Variants in LSAMP observed in about 807,000 individuals in gnomAD.
The protein encoded by LSAMP is limbic system associated membrane protein.
In LSAMP, 7 loss-of-function variants were observed where a neutral mutation model predicts 38.6. The observed-to-expected ratio is 0.18, with a 90% CI of 0.10 to 0.34. The LOEUF (loss-of-function observed/expected upper bound fraction) is 0.34, where lower values mean the gene tolerates loss of function less well. Ranked by LOEUF, LSAMP falls within the 10% of genes least tolerant of loss-of-function variation. The probability of loss-of-function intolerance (pLI) is 1.00; values close to 1 mark genes in which losing one functional copy is unlikely to be tolerated. For missense variants in LSAMP, 313 were observed against 420.0 expected, an observed-to-expected ratio of 0.75 and a Z score of 2.23; for synonymous variants, 154 against 166.8, an observed-to-expected ratio of 0.92 and a Z score of 0.59.
chr3:115,960,525 T>A (rs1938591433), intron 3 of LSAMP, among the ~76,000 whole-genome samples: 1 of 152,230 alleles, frequency 6.6e-6, no homozygotes, highest in Non-Finnish European at 1.5e-5. Flanking sequence ...AGTAAAATTC[T>A]ACTGATGCAT....
At chr3:115,907,151 T>C (rs914712121) in intron 3 of LSAMP, among the ~76,000 whole-genome samples, 62 of 152,304 alleles carry the variant, frequency 4.1e-4, no homozygotes, top group African/African-American at 1.4e-3. Context: ...GCTTCCAGCC[T>C]GTTCCCACTT....
intron 1 of LSAMP, among the ~76,000 whole-genome samples, chr3:116,411,059 AT>A (rs2048968863): frequency 6.6e-6 from 1 of 152,144 alleles, no homozygotes; most frequent in East Asian, 1.9e-4. Flanking sequence ...AGAAATGCAA[AT>A]TCAAACCACA....
At chr3:115,822,203 T>C (rs1263463848) in intron 6 of LSAMP, among the ~76,000 whole-genome samples, 2 of 152,192 alleles carry the variant, frequency 1.3e-5, no homozygotes. Flanking sequence ...CAATGTCAAA[T>C]ATTTCTAGAA....
At chr3:116,128,973 AAAAT>A (rs1709067213) in intron 1 of LSAMP, among the ~76,000 whole-genome samples, 1 of 152,200 alleles carries the variant, frequency 6.6e-6, no homozygotes. Context: ...TTTATTTTCA[AAAAT>A]AAATGTTCAG....
rs867039024 is a variant in LSAMP at position 116,259,668 on chromosome 3, C to A, written c.156-173112G>T. Reference sequence around the variant, plus strand: ...ATGTGTGATGTGTGTAGCTGTGGTGCTGGTGGTGTTGGTATGCAATCATTT... The same window carrying A: ...ATGTGTGATGTGTGTAGCTGTGGTGATGGTGGTGTTGGTATGCAATCATTT... On this transcript the variant is annotated intron_variant, in intron 1 of 6. Transcript: ENST00000490035. Among the ~76,000 whole-genome samples the A allele has an allele frequency of 1.1e-4, 17 of 152,134 alleles. No homozygotes were observed. In the Middle Eastern group the frequency reaches 0.01, roughly 91 times the overall value.
chr3:116,225,691 T>C (rs531924629), intron 1 of LSAMP, among the ~76,000 whole-genome samples: 1 of 152,234 alleles, frequency 6.6e-6, no homozygotes, highest in Admixed American at 6.5e-5. Context: ...ATCGATTACA[T>C]GGCAAAATAA....
intron 1 of LSAMP, among the ~76,000 whole-genome samples, chr3:116,232,081 A>G (rs1427843573): frequency 6.6e-6 from 1 of 152,214 alleles, no homozygotes; most frequent in Non-Finnish European, 1.5e-5. Context: ...ACCATCTTTC[A>G]AAGTCAGGGC....
intron 1 of LSAMP, among the ~76,000 whole-genome samples, chr3:116,148,158 A>G (rs1709530393): frequency 6.7e-6 from 1 of 148,402 alleles, no homozygotes; most frequent in African/African-American, 2.6e-5. Context: ...TCCAATTTGC[A>G]TTTGTTCTCT....
chr3:116,145,317 T>C (rs1489348190), intron 1 of LSAMP, among the ~76,000 whole-genome samples: 1 of 151,924 alleles, frequency 6.6e-6, no homozygotes, highest in African/African-American at 2.4e-5. Context: ...TAATAGCTTA[T>C]ATATTTATAT....
intron 1 of LSAMP, among the ~76,000 whole-genome samples, chr3:116,199,724 C>G (rs1194278756): frequency 6.6e-6 from 1 of 152,078 alleles, no homozygotes; most frequent in Non-Finnish European, 1.5e-5. Context: ...AGAAGAAGGA[C>G]TCTATTATTA....
intron 1 of LSAMP, among the ~76,000 whole-genome samples, chr3:116,387,336 G>C (rs1265768117): frequency 6.6e-6 from 1 of 152,050 alleles, no homozygotes; most frequent in East Asian, 1.9e-4. Context: ...TATAAATAAG[G>C]AATCACTACA....
rs116474113 is a variant in LSAMP at position 116,358,571 on chromosome 3, G to T, written c.155+86306C>A. Among the ~76,000 whole-genome samples the T allele has an allele frequency of 6.2e-3, 940 of 152,162 alleles. 8 individuals are homozygous for T. The highest frequency in any genetic ancestry group is 0.021 in the African/African-American group (892 of 41,540). ...TCTGATAGCAATTTTTTAAAACAAT[G>T]AAAATCTGTTAAATATACTCATTAC... is the stretch of plus-strand genomic sequence containing the variant. On this transcript the variant is annotated intron_variant, in intron 1 of 6. Transcript: ENST00000490035.
At chr3:116,189,912 CGA>C (rs929074848) in intron 1 of LSAMP, among the ~76,000 whole-genome samples, 4 of 151,850 alleles carry the variant, frequency 2.6e-5, no homozygotes, top group Non-Finnish European at 5.9e-5. Flanking sequence ...TTAACAAGCA[CGA>C]GAGATTCAAA....
rs1477732571 is a variant in LSAMP at position 115,852,628 on chromosome 3, G to C, written c.515-11C>G. 1 of 1,607,740 alleles carries C rather than the reference G, an allele frequency of 6.2e-7. No homozygotes were observed. Among genetic ancestry groups the C allele is most frequent in the Non-Finnish European group, 8.5e-7 (1 of 1,177,744 alleles). On this transcript the variant is annotated splice_polypyrimidine_tract_variant and intron_variant, in intron 3 of 6. Transcript: ENST00000490035. ...CTTCAAATTCCCTTCCTGAAAAACA[G>C]AGGTTTTCATGATTCTTTTTTAAAG... is the stretch of plus-strand genomic sequence containing the variant.
intron 3 of LSAMP, among the ~76,000 whole-genome samples, chr3:115,864,763 G>A (rs1181012761): frequency 6.6e-6 from 1 of 152,128 alleles, no homozygotes; most frequent in African/African-American, 2.4e-5. Context: ...GAAAGTGTAT[G>A]ATTAATAGAG....
chr3:116,167,017 T>C (rs1710072393), intron 1 of LSAMP, among the ~76,000 whole-genome samples: 1 of 152,126 alleles, frequency 6.6e-6, no homozygotes, highest in Admixed American at 6.5e-5. Flanking sequence ...GGTCTTGATC[T>C]CCTGACCTCG....
intron 1 of LSAMP, among the ~76,000 whole-genome samples, chr3:116,203,418 C>CT (rs2046018159): frequency 6.6e-6 from 1 of 151,152 alleles, no homozygotes; most frequent in Non-Finnish European, 1.5e-5. Context: ...TTTTATTATA[C>CT]TTTAAGTTTT....
Position 115,809,781 on chromosome 3 carries a change from G to T in LSAMP, c.*536C>A, listed in dbSNP as rs961343963. 2 of 153,000 alleles carry T rather than the reference G, an allele frequency of 1.3e-5. No individual in the cohort carries two copies. Among genetic ancestry groups the T allele is most frequent in the African/African-American group, 4.8e-5 (2 of 41,424 alleles). 9.5% of individuals were successfully genotyped at this position (153,000 alleles called of 1,614,324 possible). A position where few individuals can be genotyped will look rare whatever the true frequency, so the allele number is the denominator to read the frequency against. ...GATCTCTAAAGTTGGAGAGATAGTG[G>T]AGGAAGGAAAGCCAGAGAAAGGCTC... On this transcript the variant is annotated 3_prime_UTR_variant, in exon 7 of 7. Coordinates refer to ENST00000490035, the MANE Select transcript of LSAMP (RefSeq NM_002338.5).
intron 1 of LSAMP, among the ~76,000 whole-genome samples, chr3:116,411,831 C>T (rs1235891365): frequency 1.3e-5 from 2 of 151,368 alleles, no homozygotes; most frequent in Non-Finnish European, 2.9e-5. Flanking sequence ...GTGATTAGGT[C>T]ATGAGGGCTC....
Sources: allele counts gnomAD v4.1 joint callset (sites outside exome capture counted in the v4.1 genomes callset), GRCh38; gene constraint gnomAD v4.1.1; transcripts MANE v1.5; gene names NCBI Gene and HGNC (gene_info 2026-07-23, HGNC 2026-07-21).